BRCA1: variants seen among roughly 807,000 people sequenced by gnomAD.
BRCA1 encodes BRCA1 DNA repair associated.
A neutral mutation model predicts 173.7 loss-of-function variants in BRCA1; 140 were observed. The ratio of observed to expected loss-of-function variants is 0.81; its 90% CI spans 0.70 to 0.93. The LOEUF is 0.93. Ranked by LOEUF, BRCA1 falls within the 40% of genes least tolerant of loss-of-function variation. The pLI is 0.00. For missense variants in BRCA1, 1,983 were observed against 2,172.5 expected (o/e 0.91, Z 1.73); for synonymous variants, 662 against 756.0 (o/e 0.88, Z 2.04).
At chr17:43,113,989 C>T (rs1305106316) in intron 3 of BRCA1, among the ~76,000 whole-genome samples, 4 of 151,790 alleles carry the variant, frequency 2.6e-5, no homozygotes, top group South Asian at 2.1e-4. Flanking sequence ...GCAGGAGAAT[C>T]GCTTGAACCC....
intron 3 of BRCA1, among the ~76,000 whole-genome samples, chr17:43,114,315 G>C (rs2055168111): frequency 6.6e-6 from 1 of 151,524 alleles, no homozygotes; most frequent in Admixed American, 6.6e-5. Context: ...ATTCCAGAAA[G>C]ATTCTCATCC....
chr17:43,073,590 T>C (rs1400787091), intron 14 of BRCA1, among the ~76,000 whole-genome samples: 1 of 152,124 alleles, frequency 6.6e-6, no homozygotes, highest in African/African-American at 2.4e-5. Context: ...TCATTAAAAG[T>C]GATTTTTAAG....
chr17:43,159,605 G>A (rs1285837206), intron 1 of BRCA1: 8 of 233,910 alleles, frequency 3.4e-5, no homozygotes, highest in Non-Finnish European at 4.2e-5. Flanking sequence ...GGTCGCGGCC[G>A]GGCAGAGGCG....
At chr17:43,117,057 A>G (rs528716582) in intron 2 of BRCA1, among the ~76,000 whole-genome samples, 73 of 152,326 alleles carry the variant, frequency 4.8e-4, no homozygotes, top group African/African-American at 1.6e-3. Flanking sequence ...GTGTACTCTT[A>G]TTAGATCACT....
At chr17:43,125,487 C>T (rs1353221636), upstream of BRCA1, 7 of 347,746 alleles carry the variant, frequency 2.0e-5, no homozygotes, top group South Asian at 8.7e-5. Context: ...AAGGTACAAT[C>T]AGAGGATGGG....
intron 8 of BRCA1, 129 bp downstream of exon 8, chr17:43,097,115 A>C: frequency 1.1e-6 from 1 of 946,688 alleles, no homozygotes; most frequent in Non-Finnish European, 1.6e-6. Context: ...CCTATATAAC[A>C]AACTGCACAT....
chr17:43,135,915 C>T (rs1259553206), intron 1 of BRCA1, among the ~76,000 whole-genome samples: 6 of 152,204 alleles, frequency 3.9e-5, no homozygotes, highest in Admixed American at 3.3e-4. Context: ...CCCTCAGCAC[C>T]CTGCTCACCT....
intron 2 of BRCA1, among the ~76,000 whole-genome samples, chr17:43,117,480 G>T (rs971342270): frequency 4.3e-4 from 65 of 152,200 alleles, no homozygotes; most frequent in Admixed American, 1.2e-3. Flanking sequence ...GGGGGCTCAT[G>T]CTTGTAATCC....
intron 11 of BRCA1, among the ~76,000 whole-genome samples, chr17:43,089,271 C>CAA (rs2053348527): frequency 6.6e-6 from 1 of 151,156 alleles, no homozygotes; most frequent in South Asian, 2.1e-4. Flanking sequence ...TGCAGTGAGC[C>CAA]AAAATTGTGC....
At chr17:43,101,634 C>A (rs2054481090) in intron 6 of BRCA1, among the ~76,000 whole-genome samples, 1 of 152,106 alleles carries the variant, frequency 6.6e-6, no homozygotes, top group South Asian at 2.1e-4. Context: ...TCCCGAGTAG[C>A]TGGGATTACA....
chr17:43,062,649 G>A (rs955185502), intron 18 of BRCA1, among the ~76,000 whole-genome samples: 1 of 152,000 alleles, frequency 6.6e-6, no homozygotes, highest in Non-Finnish European at 1.5e-5. Flanking sequence ...CCAGGTTGGA[G>A]TGCAGTGGCA....
intron 2 of BRCA1, among the ~76,000 whole-genome samples, chr17:43,118,234 T>C (rs1358439695): frequency 2.0e-5 from 3 of 152,184 alleles, no homozygotes; most frequent in Non-Finnish European, 4.4e-5. Flanking sequence ...TGCCTGTGTA[T>C]GCAGGACATC....
chr17:43,146,035 G>A (rs1362743629), intron 1 of BRCA1, among the ~76,000 whole-genome samples: 2 of 152,094 alleles, frequency 1.3e-5, no homozygotes, highest in Non-Finnish European at 2.9e-5. Context: ...TGTTGGAGTT[G>A]TGGGCACTCT....
chr17:43,154,715 G>A (rs2056185676), intron 1 of BRCA1, among the ~76,000 whole-genome samples: 1 of 152,024 alleles, frequency 6.6e-6, no homozygotes, highest in Non-Finnish European at 1.5e-5. Context: ...TACTATTCTA[G>A]GAGATAGAAA....
chr17:43,130,064 G>T (rs1336329103), upstream of BRCA1, among the ~76,000 whole-genome samples: 2 of 151,956 alleles, frequency 1.3e-5, no homozygotes, highest in Non-Finnish European at 2.9e-5. Flanking sequence ...CAGACTTCAG[G>T]GTCCTTAAAA....
intron 12 of BRCA1, among the ~76,000 whole-genome samples, chr17:43,076,903 C>T (rs1326151217): frequency 6.6e-6 from 1 of 152,032 alleles, no homozygotes. Context: ...AATCTATATT[C>T]CTTGGCCCTG....
chr17:43,095,602 A>AC (rs1216423835), intron 9 of BRCA1, among the ~76,000 whole-genome samples: 1 of 151,360 alleles, frequency 6.6e-6, no homozygotes, highest in Admixed American at 6.6e-5. Flanking sequence ...AAACAAACAA[A>AC]CAAAAAAAAA....
intron 1 of BRCA1, chr17:43,138,439 C>T (rs2056045972): frequency 1.7e-6 from 1 of 587,822 alleles, no homozygotes; most frequent in Non-Finnish European, 3.0e-6. Context: ...GACACCTCTC[C>T]AGGCCTCTGA....
chr17:43,070,487 G>C (rs542917948), intron 15 of BRCA1, among the ~76,000 whole-genome samples: 27 of 152,314 alleles, frequency 1.8e-4, no homozygotes, highest in South Asian at 6.2e-4. Context: ...AAGCCAGGAT[G>C]AAAACAAACA....
Sources: gnomAD v4.1 joint callset for allele counts (sites outside exome capture counted in the v4.1 genomes callset) on GRCh38, gnomAD v4.1.1 for gene constraint, MANE v1.5 for transcripts, NCBI Gene and HGNC (gene_info 2026-07-23, HGNC 2026-07-21) for gene names.